Variants in WWOX observed in about 807,000 individuals in gnomAD.
WWOX encodes WW domain-containing oxidoreductase.
A neutral mutation model predicts 46.2 loss-of-function variants in WWOX; 69 were observed. The observed-to-expected ratio is 1.49, with a 90% CI of 1.23 to 1.82. The LOEUF (loss-of-function observed/expected upper bound fraction) is 1.82, where lower values mean the gene tolerates loss of function less well. WWOX is among the 40% of genes most tolerant of loss of function. The pLI, the probability that WWOX is intolerant of heterozygous loss-of-function variation, is 0.00. For synonymous variants in WWOX, 359 were observed against 202.6 expected, an observed-to-expected ratio of 1.77 and a Z score of -6.56; for missense variants, 919 against 542.6, an observed-to-expected ratio of 1.69 and a Z score of -6.89.
At position 78,951,699 on chromosome 16, in the gene WWOX, A is replaced by T. The variant is rs555762153; in HGVS notation, c.1057-259909A>T. Among the ~76,000 whole-genome samples, 285 of 152,282 alleles carry T rather than the reference A, an allele frequency of 1.9e-3. 1 individual carries two copies. The highest frequency in any genetic ancestry group is 6.4e-3 in the African/African-American group (267 of 41,540). ...ATTCAGGACTGCGGTTCTACCCAGTACCGGGGAACCAGGTGAGGGGGTTAA... is the reference window on the plus strand; with the variant it reads ...ATTCAGGACTGCGGTTCTACCCAGTTCCGGGGAACCAGGTGAGGGGGTTAA... On this transcript the variant is annotated intron_variant, in intron 8 of 8. Transcript: ENST00000566780.
At chr16:78,864,289 G>GTTTTC (rs2043954906) in intron 8 of WWOX, among the ~76,000 whole-genome samples, 1 of 150,674 alleles carries the variant, frequency 6.6e-6, no homozygotes, top group African/African-American at 2.4e-5. Flanking sequence ...TTTTTTGAGA[G>GTTTTC]AGAATCTTGC....
At position 78,845,466 on chromosome 16, in the gene WWOX, A is replaced by G. The variant is rs138939688; in HGVS notation, c.1057-366142A>G. ...CTGTCAAATATGTCCTTATGGCCAC[A>G]AAGTATGCTCATGGATTCTCTTTTA... On this transcript the variant is annotated intron_variant, in intron 8 of 8. Transcript: ENST00000566780. Among the ~76,000 whole-genome samples, 11 of 152,336 alleles carry G rather than the reference A, an allele frequency of 7.2e-5. No individual in the cohort carries two copies. The East Asian group carries it at 1.4e-3, about 19-fold the overall frequency.
chr16:78,541,982 G>T lies in WWOX; in HGVS notation c.1056+109230G>T, dbSNP rs551241651. On this transcript the variant is annotated intron_variant, in intron 8 of 8. Coordinates refer to ENST00000566780, the MANE Select transcript of WWOX (RefSeq NM_016373.4). ...TGCATGGATTGGTGTCATGTTTGAA[G>T]TCAGTTACCAGAGGGTTTCTTTCAA... is the stretch of plus-strand genomic sequence containing the variant. 2.5e-5 allele frequency among the ~76,000 whole-genome samples: 3 copies of T among 120,060 alleles called. No individual in the cohort carries two copies. The East Asian group carries it at 8.5e-4, about 34-fold the overall frequency. 78.8% of individuals were successfully genotyped at this position (120,060 alleles called of 152,430 possible).
intron 5 of WWOX, among the ~76,000 whole-genome samples, chr16:78,381,108 T>C (rs2081946788): frequency 6.6e-6 from 1 of 152,214 alleles, no homozygotes; most frequent in African/African-American, 2.4e-5. Flanking sequence ...AGCCTGGCTC[T>C]GGTGTCTTTG....
In WWOX at chr16:78,671,711, C is replaced by T. The variant is rs557401732; in HGVS notation, c.1056+238959C>T. On this transcript the variant is annotated intron_variant, in intron 8 of 8. Transcript: ENST00000566780. ...ATAGTGCCTGATTCAGAGTAAGTGA[C>T]CAATAAATAGCTACCCTTACTATTT... is the stretch of plus-strand genomic sequence containing the variant. 2.0e-5 allele frequency among the ~76,000 whole-genome samples: 3 copies of T among 152,194 alleles called. No individual in the cohort carries two copies. The East Asian group carries it at 5.8e-4, about 29-fold the overall frequency.
At chr16:78,483,002 G>T (rs1390840195) in intron 8 of WWOX, among the ~76,000 whole-genome samples, 2 of 152,158 alleles carry the variant, frequency 1.3e-5, no homozygotes, top group African/African-American at 4.8e-5. Context: ...TTAAGAAAAG[G>T]AGTCAAACAT....
chr16:78,335,337 C>T (rs192568473), intron 5 of WWOX, among the ~76,000 whole-genome samples: 1 of 152,158 alleles, frequency 6.6e-6, no homozygotes, highest in Non-Finnish European at 1.5e-5. Context: ...TCCATGTGTT[C>T]TCATCATGCA....
chr16:78,561,073 A>C (rs1456943758), intron 8 of WWOX, among the ~76,000 whole-genome samples: 1 of 152,194 alleles, frequency 6.6e-6, no homozygotes, highest in Non-Finnish European at 1.5e-5. Context: ...TGCCAAGCTC[A>C]TTCAGGATGC....
At chr16:79,031,397 G>C (rs1377421537) in intron 8 of WWOX, among the ~76,000 whole-genome samples, 1 of 151,668 alleles carries the variant, frequency 6.6e-6, no homozygotes, top group Non-Finnish European at 1.5e-5. Flanking sequence ...ATTATCTCGA[G>C]TTGGTTTGCA....
chr16:78,829,077 C>T (rs999709597), intron 8 of WWOX, among the ~76,000 whole-genome samples: 1 of 148,212 alleles, frequency 6.7e-6, no homozygotes, highest in Non-Finnish European at 1.5e-5. Context: ...AAGTCAGGGT[C>T]CATCTGGAAG....
intron 6 of WWOX, among the ~76,000 whole-genome samples, chr16:78,422,663 G>GTATATATATA (rs569996246): frequency 0.067 from 1,631 of 24,306 alleles, 202 homozygotes; most frequent in South Asian, 0.2. Context: ...TTTTTTACAT[G>GTATATATATA]TATATATATA....
chr16:78,597,342 T>C (rs1486626896), intron 8 of WWOX, among the ~76,000 whole-genome samples: 2 of 152,172 alleles, frequency 1.3e-5, no homozygotes, highest in South Asian at 2.1e-4. Flanking sequence ...CTTGGGGCCA[T>C]ATGCACTGCT....
intron 8 of WWOX, among the ~76,000 whole-genome samples, chr16:79,175,870 G>C (rs2011394): frequency 0.46 from 69,349 of 151,964 alleles, 16,857 homozygotes; most frequent in East Asian, 0.88. Flanking sequence ...ACTCATGATT[G>C]CACTAACAGC....
chr16:78,675,276 C>A (rs2047565761), intron 8 of WWOX, among the ~76,000 whole-genome samples: 1 of 152,066 alleles, frequency 6.6e-6, no homozygotes, highest in South Asian at 2.1e-4. Flanking sequence ...TTCAGAAGTT[C>A]TTTAAGCTAC....
chr16:78,170,124 T>A (rs1440872501), intron 5 of WWOX, among the ~76,000 whole-genome samples: 3 of 152,082 alleles, frequency 2.0e-5, no homozygotes, highest in Non-Finnish European at 2.9e-5. Context: ...CCAAGTATGT[T>A]TGTGGCAACC....
intron 8 of WWOX, among the ~76,000 whole-genome samples, chr16:78,531,958 G>C (rs2043633695): frequency 6.6e-6 from 1 of 152,070 alleles, no homozygotes. Flanking sequence ...CAAAAGGGTG[G>C]GAAATTTTTA....
intron 8 of WWOX, among the ~76,000 whole-genome samples, chr16:78,918,807 C>G (rs1050239078): frequency 6.6e-6 from 1 of 152,158 alleles, no homozygotes; most frequent in Admixed American, 6.5e-5. Flanking sequence ...TATTACAGAA[C>G]TTAAATTGGC....
chr16:79,054,835 C>T (rs569071127), intron 8 of WWOX, among the ~76,000 whole-genome samples: 2 of 151,978 alleles, frequency 1.3e-5, no homozygotes, highest in African/African-American at 4.8e-5. Flanking sequence ...TCAAAACAAA[C>T]AAAGAAAAAT....
At chr16:78,590,146 G>GTCTCTCTCTCTCTCTC (rs58692243) in intron 8 of WWOX, among the ~76,000 whole-genome samples, 6,818 of 149,642 alleles carry the variant, frequency 0.046, 166 homozygotes, top group Middle Eastern at 0.073. Context: ...TAGGCATTCA[G>GTCTCTCTCTCTCTCTC]TCTCTCTCTC....
Sources: gnomAD v4.1 joint callset for allele counts (sites outside exome capture counted in the v4.1 genomes callset) on GRCh38, gnomAD v4.1.1 for gene constraint, MANE v1.5 for transcripts, NCBI Gene and HGNC (gene_info 2026-07-23, HGNC 2026-07-21) for gene names.